ZW10: variants seen among roughly 807,000 people sequenced by gnomAD.
The protein encoded by ZW10 is centromere/kinetochore protein zw10 homolog.
In ZW10, 53 loss-of-function variants were observed where a neutral mutation model predicts 87.8. The ratio of observed to expected loss-of-function variants is 0.60; its 90% CI spans 0.48 to 0.76. The LOEUF (loss-of-function observed/expected upper bound fraction) is 0.76. ZW10 is among the 30% of genes least tolerant of loss of function. The probability of loss-of-function intolerance (pLI) is 0.00; values close to 1 mark genes in which losing one functional copy is unlikely to be tolerated. For synonymous variants in ZW10, 312 were observed against 329.2 expected, an observed-to-expected ratio of 0.95 and a Z score of 0.57; for missense variants, 837 against 923.0, an observed-to-expected ratio of 0.91 and a Z score of 1.21.
intron 7 of ZW10, among the ~76,000 whole-genome samples, chr11:113,753,069 G>A (rs1953750135): frequency 6.6e-6 from 1 of 151,756 alleles, no homozygotes; most frequent in Non-Finnish European, 1.5e-5. Flanking sequence ...GTGCAGGTTT[G>A]TTATATAGGT....
chr11:113,758,370 G>A (rs201420876), intron 6 of ZW10, among the ~76,000 whole-genome samples, 184 bp downstream of exon 6: 6 of 143,904 alleles, frequency 4.2e-5, no homozygotes, highest in Non-Finnish European at 6.0e-5. Flanking sequence ...AGGAACAGTT[G>A]AAAAAAAAAA....
chr11:113,733,414 G>A lies in ZW10; in HGVS notation c.*280C>T, dbSNP rs753179180. On this transcript the variant is annotated 3_prime_UTR_variant, in exon 16 of 16. Transcript: ENST00000200135. ...TAGCTCCCAGAGGGCTCTGGAAGCA[G>A]CATGAAATAATGCTGCCTGACAGTT... 14 of 389,038 alleles carry A rather than the reference G, an allele frequency of 3.6e-5. No homozygotes were observed. Among genetic ancestry groups the A allele is most frequent in the Admixed American group, 1.3e-4 (3 of 23,332 alleles). 24.1% of individuals were successfully genotyped at this position (389,038 alleles called of 1,614,324 possible).
At position 113,736,745 on chromosome 11, in the gene ZW10, T is replaced by C; in HGVS notation, c.2094A>G (p.Ala698=). 6.2e-7 allele frequency: 1 copy of C among 1,614,198 alleles called. No individual in the cohort carries two copies. The highest frequency in any genetic ancestry group is 1.3e-5 in the African/African-American group (1 of 75,048). ...TVMDEGPQVF[A]PLSEESKNKK... is the part of the protein sequence containing the mutation. ...TGTTCTTGCTTTCTTCAGATAAAGGTGCAAATACTTGGGGTCCTTCATCCA... is the reference window on the plus strand; with the variant it reads ...TGTTCTTGCTTTCTTCAGATAAAGGCGCAAATACTTGGGGTCCTTCATCCA... The change falls in exon 15 of 16, where the codon GCA becomes GCG. Residue 698 remains alanine, a synonymous_variant. Transcript: ENST00000200135.
rs572942858 is a variant in ZW10 at position 113,748,773 on chromosome 11, TTAA to T, written c.926-356_926-354del. Among the ~76,000 whole-genome samples the T allele has an allele frequency of 5.9e-5, 9 of 152,314 alleles. No homozygotes were observed. The East Asian group carries it at 1.3e-3, about 23-fold the overall frequency. ...TAGTTTAGAATAAAATCTCACTTAT[TTAA>T]TAATGAATAAACATACTTTTTTCGT... On this transcript the variant is annotated intron_variant, in intron 7 of 15. Transcript: ENST00000200135.
chr11:113,742,783 C>T (rs1565280593), intron 10 of ZW10, among the ~76,000 whole-genome samples: 1 of 152,186 alleles, frequency 6.6e-6, no homozygotes. Context: ...TTACAATTAA[C>T]TCTGAATGGA....
rs1459322196 is a variant in ZW10, at chr11:113,760,515, C to G, written c.418G>C (p.Glu140Gln). The G allele has an allele frequency of 1.2e-6, 2 of 1,613,450 alleles. No homozygotes were observed. Among genetic ancestry groups the G allele is most frequent in the East Asian group, 2.2e-5 (1 of 44,876 alleles). Residue 140 changes from glutamate to glutamine, a missense_variant and splice_region_variant, in exon 4 of 16, where the codon GAG becomes CAG. Transcript: ENST00000200135. ...GCTTTGGGGAGAGCATTTAGTACCT[C>G]TTCCAGACGCTGAGCACCAGTGACA... ...KYVTGAQRLE[E>Q]AQKCLKLLKS...
rs974465916 is a variant in ZW10, at chr11:113,733,916, G to A, written c.2220-102C>T. 10 of 1,381,818 alleles carry A rather than the reference G, an allele frequency of 7.2e-6. No homozygotes were observed. In the African/African-American group the frequency reaches 1.4e-4, roughly 20 times the overall value. The allele number at this position is 1,381,818 out of a possible 1,614,324, so 85.6% of individuals were successfully genotyped here. A position where few individuals can be genotyped will look rare whatever the true frequency, so the allele number is the denominator to read the frequency against. On this transcript the variant is annotated intron_variant, in intron 15 of 15. Coordinates refer to ENST00000200135, the MANE Select transcript of ZW10 (RefSeq NM_004724.4). ...ATCCAAATGCTTATTTGCTTGAAAT[G>A]GAAATAAAACAAATCCTGGGCATCT... is the stretch of plus-strand genomic sequence containing the variant.
chr11:113,766,596 C>G (rs1318720334), intron 2 of ZW10, among the ~76,000 whole-genome samples: 1 of 146,230 alleles, frequency 6.8e-6, no homozygotes, highest in Non-Finnish European at 1.5e-5. Context: ...ATGGCCTGAA[C>G]CCGGGAGGCA....
chr11:113,748,619 C>G (rs990364218), intron 7 of ZW10, among the ~76,000 whole-genome samples, 199 bp from the exon 8 acceptor site: 1 of 152,102 alleles, frequency 6.6e-6, no homozygotes, highest in African/African-American at 2.4e-5. Context: ...AATGAATTGT[C>G]TGTACTATAT....
At chr11:113,741,818 A>G in intron 10 of ZW10, 53 bp from the exon 11 acceptor site, 2 of 1,361,494 alleles carry the variant, frequency 1.5e-6, no homozygotes, top group Non-Finnish European at 2.1e-6. Context: ...ACTAAAAACA[A>G]GAAAAAAATT....
chr11:113,741,842 T>A, intron 10 of ZW10, 77 bp from the exon 11 acceptor site: 1 of 970,724 alleles, frequency 1.0e-6, no homozygotes, highest in Non-Finnish European at 1.6e-6. Context: ...ACTAAGTGCA[T>A]CTTCAGTGAG....
In ZW10 at chr11:113,738,314, T is replaced by G. The variant is rs953805977; in HGVS notation, c.1834A>C (p.Asn612His). The change falls in exon 13 of 16, where the codon AAT becomes CAT. Residue 612 changes from asparagine to histidine, a missense_variant. By Grantham distance (68) the Asn-to-His change is moderately conservative. Coordinates refer to ENST00000200135, the MANE Select transcript of ZW10 (RefSeq NM_004724.4). ...ERLSSARNFS[N>H]MDDEENYSAA... Reference sequence around the variant, plus strand: ...GAATAATTCTCTTCATCGTCCATATTTGAAAAGTTCCTAGCACTTGATAAT... The same window carrying G: ...GAATAATTCTCTTCATCGTCCATATGTGAAAAGTTCCTAGCACTTGATAAT... 5.0e-6 allele frequency: 8 copies of G among 1,613,234 alleles called. No homozygotes were observed. The highest frequency in any genetic ancestry group is 5.1e-6 in the Non-Finnish European group (6 of 1,179,654).
In ZW10 at chr11:113,735,450, A is replaced by G. The variant is rs987677972; in HGVS notation, c.2219+1170T>C. Among the ~76,000 whole-genome samples, 4 of 152,100 alleles carry G rather than the reference A, an allele frequency of 2.6e-5. No homozygotes were observed. In the South Asian group the frequency reaches 8.3e-4, roughly 32 times the overall value. Reference sequence around the variant, plus strand: ...AGGTATTCTGATGTGATTTTTTTTCAAGCAGAGATCTCATTGACATTGTAC... The same window carrying G: ...AGGTATTCTGATGTGATTTTTTTTCGAGCAGAGATCTCATTGACATTGTAC... On this transcript the variant is annotated intron_variant, in intron 15 of 15. Transcript: ENST00000200135.
rs747306007 is a variant in ZW10, at chr11:113,739,282, G to A, written c.1684C>T (p.Arg562Cys). ...CCATCACAAAGAATGGGGGCAAGAC[G>A]CAATCTGAACTGATGCCCGAGGGTC... Reference protein sequence around the residue: ...LLTLGHQFRLRLAPILCDGTA... With the variant: ...LLTLGHQFRLCLAPILCDGTA... The change falls in exon 12 of 16, where the codon CGT becomes TGT. Residue 562 changes from arginine to cysteine, a missense_variant. Arg to Cys is a radical substitution (Grantham distance 180). Transcript: ENST00000200135. 28 of 1,613,952 alleles carry A rather than the reference G, an allele frequency of 1.7e-5. No homozygotes were observed. In the South Asian group the frequency reaches 1.8e-4, roughly 10 times the overall value.
At chr11:113,755,454 T>C (rs1033417862) in intron 7 of ZW10, among the ~76,000 whole-genome samples, 1 of 152,170 alleles carries the variant, frequency 6.6e-6, no homozygotes, top group Non-Finnish European at 1.5e-5. Flanking sequence ...TGCAATCTCA[T>C]GATAAAACCC....
At chr11:113,744,572 C>T (rs901134902) in intron 9 of ZW10, among the ~76,000 whole-genome samples, 1 of 151,908 alleles carries the variant, frequency 6.6e-6, no homozygotes, top group African/African-American at 2.4e-5. Context: ...TCCCTTAATC[C>T]CCTTTACTGT....
chr11:113,760,755 G>A (rs1178342017), intron 3 of ZW10, 62 bp downstream of exon 3: 1 of 1,396,110 alleles, frequency 7.2e-7, no homozygotes, highest in East Asian at 2.4e-5. Flanking sequence ...TCAGGAGATA[G>A]CCATTGACTA....
Position 113,760,593 on chromosome 11 carries a change from G to A in ZW10, c.343-3C>T, listed in dbSNP as rs745986155. On this transcript the variant is annotated splice_polypyrimidine_tract_variant and splice_region_variant and intron_variant, in intron 3 of 15. Transcript: ENST00000200135. ...TATTCTTCAATAGCAGTGGAAAACT[G>A]AAAAGTTAAGTATAATATTTTATAC... is the stretch of plus-strand genomic sequence containing the variant. The A allele has an allele frequency of 5.0e-6, 8 of 1,600,372 alleles. No individual in the cohort carries two copies. In the South Asian group the frequency reaches 5.6e-5, roughly 11 times the overall value.
chr11:113,762,348 G>A (rs1461057996), intron 2 of ZW10, among the ~76,000 whole-genome samples: 1 of 152,144 alleles, frequency 6.6e-6, no homozygotes. Flanking sequence ...GTTGCTCTGG[G>A]TGAGTCAGTG....
Sources: allele counts gnomAD v4.1 joint callset (sites outside exome capture counted in the v4.1 genomes callset), GRCh38; gene constraint gnomAD v4.1.1; transcripts MANE v1.5; gene names NCBI Gene and HGNC (gene_info 2026-07-23, HGNC 2026-07-21).